PIP4K2A: variants seen among roughly 807,000 people sequenced by gnomAD.
PIP4K2A encodes the protein phosphatidylinositol-5-phosphate 4-kinase type 2 alpha.
PIP4K2A carries 14 observed loss-of-function variants against 42.9 expected under a neutral mutation model. That is an observed-to-expected ratio of 0.33 (90% CI 0.22 to 0.51). The LOEUF (loss-of-function observed/expected upper bound fraction) is 0.51, where lower values mean the gene tolerates loss of function less well. Among genes scored for constraint, PIP4K2A ranks in the 20% least tolerant of loss-of-function variants. PIP4K2A has a pLI of 0.97. For synonymous variants in PIP4K2A, 192 were observed against 192.2 expected, an observed-to-expected ratio of 1.00 and a Z score of 0.01; for missense variants, 434 against 519.8, an observed-to-expected ratio of 0.83 and a Z score of 1.61.
intron 1 of PIP4K2A, among the ~76,000 whole-genome samples, chr10:22,706,926 A>T (rs1206768206): frequency 6.6e-6 from 1 of 152,176 alleles, no homozygotes; most frequent in Non-Finnish European, 1.5e-5. Flanking sequence ...AAAACAGGAT[A>T]AAGTAACCAT....
chr10:22,541,913 C>G lies in PIP4K2A; in HGVS notation c.927G>C (p.Pro309=), dbSNP rs61731109. The change falls in exon 8 of 10, where the codon CCG becomes CCC. Residue 309 remains proline (P), a synonymous_variant. Coordinates refer to ENST00000376573, the MANE Select transcript of PIP4K2A (RefSeq NM_005028.5). Reference sequence around the variant, plus strand: ...CGGGGCTATCTGGGGGGGTTCCCACCGGGTGGGTGCCATCGCTCTCGCCCT... The same window carrying G: ...CGGGGCTATCTGGGGGGGTTCCCACGGGGTGGGTGCCATCGCTCTCGCCCT... ...EEEGESDGTH[P]VGTPPDSPGN... The G allele has an allele frequency of 5.6e-6, 9 of 1,613,876 alleles. No homozygotes were observed. The East Asian group carries it at 1.6e-4, about 28-fold the overall frequency.
intron 4 of PIP4K2A, among the ~76,000 whole-genome samples, chr10:22,575,668 G>A (rs150162110): frequency 0.018 from 2,808 of 152,142 alleles, 91 homozygotes; most frequent in African/African-American, 0.064. Context: ...TGCCAGGCGC[G>A]GTGGCTCACG....
intron 6 of PIP4K2A, among the ~76,000 whole-genome samples, chr10:22,551,788 A>C (rs1035269074): frequency 1.3e-5 from 2 of 152,182 alleles, no homozygotes; most frequent in Non-Finnish European, 2.9e-5. Context: ...TAATCCAAGG[A>C]AACAAGCTGC....
chr10:22,676,902 G>A (rs2130870659), intron 1 of PIP4K2A, among the ~76,000 whole-genome samples: 1 of 152,326 alleles, frequency 6.6e-6, no homozygotes, highest in African/African-American at 2.4e-5. Context: ...AATACTGGGA[G>A]ATGCTGTTTT....
intron 4 of PIP4K2A, among the ~76,000 whole-genome samples, chr10:22,580,847 T>C (rs1837257906): frequency 6.6e-6 from 1 of 152,182 alleles, no homozygotes; most frequent in Non-Finnish European, 1.5e-5. Context: ...TCAACACAGT[T>C]GTCCCTTTCT....
chr10:22,594,446 A>T (rs1233567302), intron 3 of PIP4K2A, among the ~76,000 whole-genome samples: 1 of 152,198 alleles, frequency 6.6e-6, no homozygotes, highest in African/African-American at 2.4e-5. Context: ...CCCAGGCTGG[A>T]GTACAGTGGT....
chr10:22,646,702 G>A (rs1838891502), intron 1 of PIP4K2A, among the ~76,000 whole-genome samples: 1 of 152,172 alleles, frequency 6.6e-6, no homozygotes, highest in Non-Finnish European at 1.5e-5. Context: ...CCTTTCTGAA[G>A]GCAAGCCAAA....
At chr10:22,663,194 G>A (rs1588692827) in intron 1 of PIP4K2A, among the ~76,000 whole-genome samples, 1 of 152,176 alleles carries the variant, frequency 6.6e-6, no homozygotes, top group African/African-American at 2.4e-5. Context: ...TCACGTCTCT[G>A]AGACTATTTC....
chr10:22,712,469 G>A (rs1244923007), intron 1 of PIP4K2A, among the ~76,000 whole-genome samples: 1 of 151,988 alleles, frequency 6.6e-6, no homozygotes, highest in Non-Finnish European at 1.5e-5. Flanking sequence ...ATAAATATGA[G>A]TAAGCACTAC....
At chr10:22,563,442 CAT>C (rs1338536686) in intron 6 of PIP4K2A, among the ~76,000 whole-genome samples, 2 of 152,228 alleles carry the variant, frequency 1.3e-5, no homozygotes, top group African/African-American at 2.4e-5. Flanking sequence ...GTTTTGCTAA[CAT>C]AGTATGGAAA....
At chr10:22,705,420 C>G (rs1203841631) in intron 1 of PIP4K2A, among the ~76,000 whole-genome samples, 1 of 110,038 alleles carries the variant, frequency 9.1e-6, no homozygotes, top group Non-Finnish European at 1.7e-5. Context: ...TATTCAGTAC[C>G]CCAGTTAAAA....
intron 3 of PIP4K2A, among the ~76,000 whole-genome samples, chr10:22,601,294 G>C (rs1270736637): frequency 6.6e-6 from 1 of 152,182 alleles, no homozygotes; most frequent in East Asian, 1.9e-4. Flanking sequence ...AAGCAGGTTT[G>C]AGGCGGGAAA....
At chr10:22,649,119 C>A (rs1334426720) in intron 1 of PIP4K2A, among the ~76,000 whole-genome samples, 2 of 152,188 alleles carry the variant, frequency 1.3e-5, no homozygotes, top group Admixed American at 6.5e-5. Flanking sequence ...AAAAATTTAT[C>A]CAAAACTTCT....
chr10:22,630,913 C>A (rs886781097), intron 1 of PIP4K2A, among the ~76,000 whole-genome samples: 1 of 152,160 alleles, frequency 6.6e-6, no homozygotes, highest in Non-Finnish European at 1.5e-5. Flanking sequence ...AGGTTTGACA[C>A]ATCAATTCTC....
chr10:22,634,812 T>C (rs569635772), intron 1 of PIP4K2A, among the ~76,000 whole-genome samples: 1 of 152,296 alleles, frequency 6.6e-6, no homozygotes, highest in East Asian at 1.9e-4. Context: ...ACCAAATACT[T>C]ACTGACCTTT....
chr10:22,709,025 C>G (rs1182508014), intron 1 of PIP4K2A, among the ~76,000 whole-genome samples: 1 of 152,128 alleles, frequency 6.6e-6, no homozygotes, highest in Non-Finnish European at 1.5e-5. Flanking sequence ...CTCAAGCAAT[C>G]CTCCTGCCTC....
intron 1 of PIP4K2A, among the ~76,000 whole-genome samples, chr10:22,672,761 G>T (rs1219889250): frequency 6.6e-6 from 1 of 152,180 alleles, no homozygotes; most frequent in Non-Finnish European, 1.5e-5. Context: ...TAACTCACAT[G>T]AGTCACACCA....
At chr10:22,558,366 G>A (rs1836604425) in intron 6 of PIP4K2A, among the ~76,000 whole-genome samples, 1 of 152,190 alleles carries the variant, frequency 6.6e-6, no homozygotes, top group South Asian at 2.1e-4. Context: ...GGAATTTTAG[G>A]TAATCCTTAT....
intron 3 of PIP4K2A, among the ~76,000 whole-genome samples, chr10:22,595,671 T>A (rs1355986393): frequency 6.7e-6 from 1 of 150,240 alleles, no homozygotes; most frequent in South Asian, 2.1e-4. Flanking sequence ...GCACGAGAAT[T>A]GTTTGAACCT....
Sources: gnomAD v4.1 joint callset for allele counts (sites outside exome capture counted in the v4.1 genomes callset) on GRCh38, gnomAD v4.1.1 for gene constraint, MANE v1.5 for transcripts, NCBI Gene and HGNC (gene_info 2026-07-23, HGNC 2026-07-21) for gene names.